NCOA2: variants seen among roughly 807,000 people sequenced by gnomAD.
NCOA2 encodes class E basic helix-loop-helix protein 75.
In NCOA2, 21 loss-of-function variants were observed where a neutral mutation model predicts 145.1. The ratio of observed to expected loss-of-function variants is 0.14; its 90% CI spans 0.10 to 0.21. The LOEUF is 0.21. Among genes scored for constraint, NCOA2 ranks in the 10% least tolerant of loss-of-function variants. The probability of loss-of-function intolerance (pLI) is 1.00; values close to 1 mark genes in which losing one functional copy is unlikely to be tolerated. For missense variants in NCOA2, 1,472 were observed against 1,837.6 expected (o/e 0.80, Z 3.64); for synonymous variants, 619 against 637.5 (o/e 0.97, Z 0.44).
At chr8:70,307,551 G>A (rs903075421) in intron 1 of NCOA2, among the ~76,000 whole-genome samples, 2 of 152,156 alleles carry the variant, frequency 1.3e-5, no homozygotes, top group Non-Finnish European at 1.5e-5. Context: ...TCATGTGGAC[G>A]ACCATTATAT....
At chr8:70,355,734 C>T (rs1378609465) in intron 1 of NCOA2, among the ~76,000 whole-genome samples, 2 of 152,166 alleles carry the variant, frequency 1.3e-5, no homozygotes, top group South Asian at 4.1e-4. Context: ...CTCCAAAATA[C>T]TGCCTGAAGC....
intron 2 of NCOA2, among the ~76,000 whole-genome samples, chr8:70,236,999 A>G (rs1054623061): frequency 6.6e-6 from 1 of 152,316 alleles, no homozygotes; most frequent in East Asian, 1.9e-4. Flanking sequence ...GAAAGACAGA[A>G]AGGAAGTATT....
At chr8:70,436,556 G>A in the NCOA2 span, among the ~76,000 whole-genome samples, 349 of 152,298 alleles carry the variant, frequency 2.3e-3, 3 homozygotes, top group African/African-American at 8.0e-3. Flanking sequence ...TTGCCTAGAT[G>A]TAACAATATT....
chr8:70,161,824 T>C (rs1813047072), intron 9 of NCOA2, among the ~76,000 whole-genome samples: 1 of 152,110 alleles, frequency 6.6e-6, no homozygotes, highest in African/African-American at 2.4e-5. Flanking sequence ...ACCGCACTGC[T>C]GGGACACAGA....
chr8:70,427,886 G>C, the NCOA2 span, among the ~76,000 whole-genome samples: 3 of 152,078 alleles, frequency 2.0e-5, no homozygotes, highest in Non-Finnish European at 4.4e-5. Flanking sequence ...TGATGTTGTG[G>C]CTTTTCCAGC....
the NCOA2 span, among the ~76,000 whole-genome samples, chr8:70,409,724 G>T: frequency 6.6e-6 from 1 of 152,040 alleles, no homozygotes; most frequent in Non-Finnish European, 1.5e-5. Flanking sequence ...AAATAAAAAA[G>T]CCAGGTGTGG....
the NCOA2 span, among the ~76,000 whole-genome samples, chr8:70,421,094 C>T: frequency 3.9e-5 from 6 of 152,144 alleles, no homozygotes; most frequent in East Asian, 5.8e-4. Context: ...AATAAAAGGG[C>T]TCTTTGAATT....
the NCOA2 span, among the ~76,000 whole-genome samples, chr8:70,451,963 G>GTTTC: frequency 6.7e-6 from 1 of 149,808 alleles, no homozygotes; most frequent in Non-Finnish European, 1.5e-5. Flanking sequence ...TAAGGTGTTT[G>GTTTC]TTTGTTTGTT....
At chr8:70,166,965 T>C (rs561873343) in intron 6 of NCOA2, among the ~76,000 whole-genome samples, 184 of 152,330 alleles carry the variant, frequency 1.2e-3, no homozygotes, top group African/African-American at 4.3e-3. Context: ...TTTTCCAATT[T>C]TTTTTTCTTT....
intron 1 of NCOA2, among the ~76,000 whole-genome samples, chr8:70,340,455 C>A (rs117135129): frequency 2.0e-5 from 3 of 152,058 alleles, no homozygotes; most frequent in Non-Finnish European, 4.4e-5. Flanking sequence ...CAAATGCTAG[C>A]GAGGTTGCAG....
chr8:70,225,530 C>A (rs1275572336), intron 2 of NCOA2, among the ~76,000 whole-genome samples: 3 of 145,212 alleles, frequency 2.1e-5, no homozygotes, highest in Non-Finnish European at 4.5e-5. Flanking sequence ...GCCTGGGCGA[C>A]AGAGTGAGAC....
In NCOA2 at chr8:70,117,271, C is replaced by T. The variant is rs57825561; in HGVS notation, c.4384-3628G>A. ...CTGGGTCACCAGTTCTCTAAGTCTT[C>T]AGACTAGCTGGTAGCCCTGCATAAA... On this transcript the variant is annotated intron_variant, in intron 22 of 22. Transcript: ENST00000452400. Among the ~76,000 whole-genome samples the T allele has an allele frequency of 4.2e-3, 640 of 152,340 alleles. 5 individuals carry two copies. Among genetic ancestry groups the T allele is most frequent in the African/African-American group, 0.015 (611 of 41,570 alleles).
At position 70,213,972 on chromosome 8, in the gene NCOA2, T is replaced by C; in HGVS notation, c.190A>G (p.Asn64Asp). 1 of 1,612,874 alleles carries C rather than the reference T, an allele frequency of 6.2e-7. No homozygotes were observed. The highest frequency in any genetic ancestry group is 8.5e-7 in the Non-Finnish European group (1 of 1,179,498). Residue 64 changes from asparagine to aspartate, a missense_variant, in exon 4 of 23, where the codon AAC (asparagine) becomes GAC (aspartate). Transcript: ENST00000452400. ...FANFNDIDNF[N>D]FKPDKCAILK... Reference sequence around the variant, plus strand: ...ATTGCACATTTGTCAGGTTTGAAGTTAAAGTTGTCTATATCATTAAAATTT... The same window carrying C: ...ATTGCACATTTGTCAGGTTTGAAGTCAAAGTTGTCTATATCATTAAAATTT...
chr8:70,440,398 C>A, the NCOA2 span, among the ~76,000 whole-genome samples: 4 of 152,148 alleles, frequency 2.6e-5, no homozygotes, highest in Non-Finnish European at 4.4e-5. Flanking sequence ...AATGGTAAAA[C>A]CCCGTCTCTA....
chr8:70,162,658 G>A, intron 9 of NCOA2, 53 bp downstream of exon 9: 1 of 1,543,000 alleles, frequency 6.5e-7, no homozygotes, highest in Non-Finnish European at 8.8e-7. Context: ...ATCATTGACA[G>A]AAAGCTCCCA....
intron 4 of NCOA2, among the ~76,000 whole-genome samples, chr8:70,197,483 G>A (rs923427077): frequency 5.9e-5 from 9 of 152,272 alleles, no homozygotes; most frequent in East Asian, 3.9e-4. Context: ...AAGCTTTAAC[G>A]ATTTCTTTGT....
At chr8:70,377,731 A>C (rs1811808003) in intron 1 of NCOA2, among the ~76,000 whole-genome samples, 2 of 152,210 alleles carry the variant, frequency 1.3e-5, no homozygotes. Flanking sequence ...CAGAATCATT[A>C]ATTTAGATAA....
chr8:70,128,719 G>A lies in NCOA2; in HGVS notation c.3586C>T (p.Arg1196Cys). The A allele has an allele frequency of 6.2e-7, 1 of 1,613,650 alleles. No individual in the cohort carries two copies. The change falls in exon 17 of 23, where the codon CGC becomes TGC. Residue 1196 changes from arginine (R) to cysteine (C), a missense_variant. Coordinates refer to ENST00000452400, the MANE Select transcript of NCOA2 (RefSeq NM_006540.4). The part of the protein sequence containing the change: ...PNQLRLQLQH[R>C]LQAQQNRQPL... ...GAACAGACCTGCTGTGCTTGGAGGC[G>A]ATGCTGAAGTTGAAGTCTTAGTTGA... is the stretch of plus-strand genomic sequence containing the variant.
chr8:70,377,533 C>A (rs866710037), intron 1 of NCOA2, among the ~76,000 whole-genome samples: 9 of 151,974 alleles, frequency 5.9e-5, no homozygotes, highest in African/African-American at 1.7e-4. Context: ...ATAGGTTGAA[C>A]AGCTTTAAAA....
Sources: gnomAD v4.1 joint callset for allele counts (sites outside exome capture counted in the v4.1 genomes callset) on GRCh38, gnomAD v4.1.1 for gene constraint, MANE v1.5 for transcripts, NCBI Gene and HGNC (gene_info 2026-07-23, HGNC 2026-07-21) for gene names.